The following CHSY1 variants were observed in gnomAD, a reference collection of about 807,000 sequenced individuals.
CHSY1 encodes the protein chondroitin sulfate synthase 1.
A neutral mutation model predicts 59.8 loss-of-function variants in CHSY1; 13 were observed. The observed-to-expected ratio is 0.22, with a 90% confidence interval of 0.14 to 0.35. The LOEUF (loss-of-function observed/expected upper bound fraction) is 0.35, where lower values mean the gene tolerates loss of function less well. Ranked by LOEUF, CHSY1 falls within the 10% of genes least tolerant of loss-of-function variation. The pLI, the probability that CHSY1 is intolerant of heterozygous loss-of-function variation, is 1.00. For missense variants in CHSY1, 947 were observed against 1,030.6 expected, an observed-to-expected ratio of 0.92 and a Z score of 1.11; for synonymous variants, 459 against 401.2, an observed-to-expected ratio of 1.14 and a Z score of -1.72.
rs75034086 is a variant in CHSY1 at position 101,178,469 on chromosome 15, T to C, written c.1328A>G (p.Tyr443Cys). The C allele has an allele frequency of 1.4e-4, 233 of 1,614,240 alleles. 1 individual carries two copies. The highest frequency in any genetic ancestry group is 7.9e-4 in the African/African-American group (59 of 75,068). The part of the protein sequence containing the change: ...QYGYRRVNPM[Y>C]GAEYILDLLL... ...CAGGTCCAGGATGTACTCAGCCCCATACATGGGGTTCACCCGGCGGTAGCC... is the reference window on the plus strand; with the variant it reads ...CAGGTCCAGGATGTACTCAGCCCCACACATGGGGTTCACCCGGCGGTAGCC... Residue 443 changes from tyrosine (Y) to cysteine (C), a missense_variant, in exon 3 of 3, where the codon TAT becomes TGT. Tyr to Cys is a radical substitution (Grantham distance 194). Transcript: ENST00000254190.
rs780229575 is a variant in CHSY1, at chr15:101,178,251, G to A, written c.1546C>T (p.Pro516Ser). ...FLSNSLKKLV[P>S]FQLPGSKSEH... is the part of the protein sequence containing the mutation. ...CTCTTCGACCCAGGGAGCTGAAAGG[G>A]GACGAGCTTCTTCAGGGAGTTTGAG... The change falls in exon 3 of 3, where the codon CCC becomes TCC. Residue 516 changes from proline (P) to serine (S), a missense_variant. Pro to Ser is a moderately conservative substitution (Grantham distance 74). This residue lies in a region of CHSY1 where 602 missense variants were observed against 676.9 expected (regional missense o/e 0.89). Transcript: ENST00000254190. 10 of 1,613,862 alleles carry A rather than the reference G, an allele frequency of 6.2e-6. No individual in the cohort carries two copies. The South Asian group carries it at 1.1e-4, about 18-fold the overall frequency.
In CHSY1 at chr15:101,214,252, A is replaced by G. The variant is rs1292596917; in HGVS notation, c.816+20830T>C. On this transcript the variant is annotated intron_variant, in intron 2 of 2. Coordinates refer to ENST00000254190, the MANE Select transcript of CHSY1 (RefSeq NM_014918.5). The stretch of plus-strand genomic sequence containing the variant: ...CATTTGGTAGACACAGCAGCTTCAC[A>G]TTACTGGGTGCAGCACATCTCGCCA... Among the ~76,000 whole-genome samples the G allele has an allele frequency of 2.6e-5, 4 of 152,326 alleles. No homozygotes were observed. In the East Asian group the frequency reaches 7.7e-4, roughly 29 times the overall value.
chr15:101,243,640 G>A (rs1159943610), intron 1 of CHSY1, among the ~76,000 whole-genome samples: 1 of 152,154 alleles, frequency 6.6e-6, no homozygotes, highest in Non-Finnish European at 1.5e-5. Flanking sequence ...CAGTCATCGT[G>A]GATAAGGAGA....
intron 2 of CHSY1, among the ~76,000 whole-genome samples, chr15:101,231,644 T>C (rs2038894019): frequency 1.3e-5 from 2 of 152,246 alleles, no homozygotes; most frequent in Admixed American, 1.3e-4. Context: ...GATCTACTGG[T>C]TGCCTGCGTG....
At chr15:101,250,789 T>G (rs1199267277) in intron 1 of CHSY1, among the ~76,000 whole-genome samples, 1 of 152,146 alleles carries the variant, frequency 6.6e-6, no homozygotes, top group African/African-American at 2.4e-5. Flanking sequence ...TCAGGTACTG[T>G]GCTATGAGTT....
rs1238730123 is a variant in CHSY1 at position 101,251,344 on chromosome 15, C to A, written c.113G>T (p.Gly38Val). 8.7e-7 allele frequency: 1 copy of A among 1,144,504 alleles called. No individual in the cohort carries two copies. Among genetic ancestry groups the A allele is most frequent in the South Asian group, 1.9e-5 (1 of 53,684 alleles). The allele number at this position is 1,144,504 out of a possible 1,614,324, so 70.9% of individuals were successfully genotyped here. ...CTCGGGGCTGGCGCGGCGCCGTGGGCCCGCTCGCTTCAGCTCGGAAGCCCG... is the reference window on the plus strand; with the variant it reads ...CTCGGGGCTGGCGCGGCGCCGTGGGACCGCTCGCTTCAGCTCGGAAGCCCG... ...LPRASELKRA[G>V]PRRRASPEGC... The change falls in exon 1 of 3, where the codon GGC becomes GTC. Residue 38 changes from glycine (G) to valine (V), a missense_variant. By Grantham distance (109) the Gly-to-Val change is moderately radical. Around this residue, in one of 4 missense-constraint regions of CHSY1, gnomAD observed 232 missense variants for 188.5 expected, o/e 1.23. Transcript: ENST00000254190.
intron 1 of CHSY1, among the ~76,000 whole-genome samples, chr15:101,238,490 T>C (rs559434010): frequency 1.7e-4 from 26 of 152,350 alleles, no homozygotes; most frequent in African/African-American, 6.3e-4. Flanking sequence ...ATTAAATATA[T>C]ACATTTTTTC....
chr15:101,246,965 A>G (rs1202902808), intron 1 of CHSY1, among the ~76,000 whole-genome samples: 1 of 152,272 alleles, frequency 6.6e-6, no homozygotes, highest in African/African-American at 2.4e-5. Context: ...CTTAATTTGC[A>G]TAATAAATGA....
chr15:101,185,658 A>G (rs2038351065), intron 2 of CHSY1, among the ~76,000 whole-genome samples: 1 of 144,762 alleles, frequency 6.9e-6, no homozygotes, highest in South Asian at 2.2e-4. Flanking sequence ...GGCCATTTGT[A>G]CTGAACTTTT....
chr15:101,195,661 A>T (rs1003663574), intron 2 of CHSY1, among the ~76,000 whole-genome samples: 4 of 152,076 alleles, frequency 2.6e-5, no homozygotes, highest in Non-Finnish European at 5.9e-5. Flanking sequence ...TTCTACTAAA[A>T]ATACAAAAAC....
intron 1 of CHSY1, among the ~76,000 whole-genome samples, chr15:101,239,353 G>A (rs1472116824): frequency 6.6e-6 from 1 of 152,230 alleles, no homozygotes; most frequent in Non-Finnish European, 1.5e-5. Context: ...TTGGGAGATG[G>A]GGTGGGCGAG....
chr15:101,250,236 C>G (rs1317218709), intron 1 of CHSY1, among the ~76,000 whole-genome samples: 1 of 152,220 alleles, frequency 6.6e-6, no homozygotes, highest in Non-Finnish European at 1.5e-5. Flanking sequence ...AAGACCCAAA[C>G]TTTATCCATA....
intron 1 of CHSY1, among the ~76,000 whole-genome samples, chr15:101,236,731 G>A (rs1237477619): frequency 2.0e-5 from 3 of 152,088 alleles, no homozygotes; most frequent in South Asian, 2.1e-4. Flanking sequence ...AGGCTAAGGC[G>A]GGAGAATGGC....
At chr15:101,244,472 C>T (rs1431221430) in intron 1 of CHSY1, among the ~76,000 whole-genome samples, 1 of 152,224 alleles carries the variant, frequency 6.6e-6, no homozygotes, top group Non-Finnish European at 1.5e-5. Context: ...AGCAGCCTAA[C>T]GTGCTCAAAA....
chr15:101,235,408 A>T lies in CHSY1; in HGVS notation c.490T>A (p.Tyr164Asn). ...KYMHDHYLDKYEWFMRADDDV... is the reference protein window; with the variant it reads ...KYMHDHYLDKNEWFMRADDDV... The stretch of plus-strand genomic sequence containing the variant: ...TCATCTGCTCTCATAAACCATTCAT[A>T]CTTGTCCAAGTAGTGGTCGTGCATG... Residue 164 changes from tyrosine (Y) to asparagine (N), a missense_variant, in exon 2 of 3, where the codon TAT becomes AAT. Physicochemically the swap from Tyr to Asn is moderately radical, Grantham distance 143 (BLOSUM62 -2). Around this residue, in one of 4 missense-constraint regions of CHSY1, gnomAD observed 108 missense variants for 144.4 expected, o/e 0.75. Coordinates refer to ENST00000254190, the MANE Select transcript of CHSY1 (RefSeq NM_014918.5). The T allele has an allele frequency of 6.2e-7, 1 of 1,614,056 alleles. No homozygotes were observed. The highest frequency in any genetic ancestry group is 1.3e-5 in the African/African-American group (1 of 74,974).
chr15:101,205,500 T>C (rs2038615477), intron 2 of CHSY1, among the ~76,000 whole-genome samples: 1 of 152,252 alleles, frequency 6.6e-6, no homozygotes, highest in African/African-American at 2.4e-5. Flanking sequence ...CAGATGTTTA[T>C]AGCTACTTGT....
At chr15:101,229,292 A>C (rs1202575148) in intron 2 of CHSY1, among the ~76,000 whole-genome samples, 1 of 152,238 alleles carries the variant, frequency 6.6e-6, no homozygotes, top group African/African-American at 2.4e-5. Context: ...TTTTTAAATG[A>C]TCCAACTATA....
intron 2 of CHSY1, among the ~76,000 whole-genome samples, chr15:101,215,504 G>A (rs2038722878): frequency 6.6e-6 from 1 of 152,170 alleles, no homozygotes; most frequent in Non-Finnish European, 1.5e-5. Context: ...GGAGGCCAAT[G>A]TGGGTGGATC....
chr15:101,220,699 C>T (rs1200365657), intron 2 of CHSY1, among the ~76,000 whole-genome samples: 1 of 152,222 alleles, frequency 6.6e-6, no homozygotes, highest in African/African-American at 2.4e-5. Flanking sequence ...TGACTGTAAC[C>T]CTCAATGTTC....
Sources: gnomAD v4.1 joint callset for allele counts (sites outside exome capture counted in the v4.1 genomes callset) on GRCh38, gnomAD v4.1.1 for gene constraint, gnomAD v4.1.1 regional missense constraint, MANE v1.5 for transcripts, NCBI Gene and HGNC (gene_info 2026-07-23, HGNC 2026-07-21) for gene names.